The following MAF variants were observed in gnomAD, a reference collection of about 807,000 sequenced individuals.
MAF encodes the protein transcription factor Maf.
MAF carries 10 observed loss-of-function variants against 22.0 expected under a neutral mutation model. The ratio of observed to expected loss-of-function variants is 0.45; its 90% CI spans 0.28 to 0.77. MAF has a LOEUF of 0.77. MAF is among the 30% of genes least tolerant of loss of function. The pLI, the probability that MAF is intolerant of heterozygous loss-of-function variation, is 0.12. For synonymous variants in MAF, 337 were observed against 255.8 expected (o/e 1.32, Z -3.03); for missense variants, 544 against 548.4 (o/e 0.99, Z 0.08).
At chr16:79,566,171 G>A in the MAF span, among the ~76,000 whole-genome samples, 1 of 152,122 alleles carries the variant, frequency 6.6e-6, no homozygotes, top group Non-Finnish European at 1.5e-5. Flanking sequence ...TTAAAGAAAT[G>A]TACATATCCA....
chr16:79,416,079 G>T, the MAF span, among the ~76,000 whole-genome samples: 1 of 152,120 alleles, frequency 6.6e-6, no homozygotes, highest in Non-Finnish European at 1.5e-5. Context: ...CTGACAGAGG[G>T]GATGTGCCCA....
At chr16:79,329,929 C>T in the MAF span, among the ~76,000 whole-genome samples, 6 of 151,884 alleles carry the variant, frequency 4.0e-5, no homozygotes, top group Middle Eastern at 3.4e-3. Flanking sequence ...AGAACAGACA[C>T]ACCATACAAT....
the MAF span, among the ~76,000 whole-genome samples, chr16:79,274,634 C>T: frequency 0.93 from 140,981 of 152,196 alleles, 65,302 homozygotes; most frequent in East Asian, 1. Context: ...CTTTTGTGGA[C>T]TGATTCTGGA....
chr16:79,327,732 T>A, the MAF span, among the ~76,000 whole-genome samples: 4 of 152,334 alleles, frequency 2.6e-5, no homozygotes, highest in Middle Eastern at 3.4e-3. Context: ...GTGCCACAAG[T>A]GCTGACCGCT....
the MAF span, among the ~76,000 whole-genome samples, chr16:79,231,745 T>G: frequency 6.6e-6 from 1 of 151,942 alleles, no homozygotes; most frequent in Non-Finnish European, 1.5e-5. Flanking sequence ...TGGACCGGAG[T>G]TAGGTGGCAG....
the MAF span, among the ~76,000 whole-genome samples, chr16:79,269,197 C>T: frequency 6.6e-5 from 10 of 152,094 alleles, no homozygotes; most frequent in South Asian, 2.1e-4. Flanking sequence ...CAGAGTCCAA[C>T]GTGGAATGGA....
At chr16:79,336,972 G>C in the MAF span, among the ~76,000 whole-genome samples, 1 of 152,300 alleles carries the variant, frequency 6.6e-6, no homozygotes, top group Non-Finnish European at 1.5e-5. Flanking sequence ...AAACATTTCA[G>C]ACACTTGGTG....
chr16:79,510,329 C>A, the MAF span, among the ~76,000 whole-genome samples: 1 of 152,178 alleles, frequency 6.6e-6, no homozygotes, highest in African/African-American at 2.4e-5. Flanking sequence ...GAGACTGTTT[C>A]TCGAGAATCC....
the MAF span, among the ~76,000 whole-genome samples, chr16:79,322,031 C>T: frequency 2.0e-5 from 3 of 152,186 alleles, no homozygotes; most frequent in East Asian, 1.9e-4. Context: ...CAGAGGTTTG[C>T]GACCAACCTG....
the MAF span, among the ~76,000 whole-genome samples, chr16:79,269,068 A>G: frequency 2.0e-5 from 3 of 152,164 alleles, no homozygotes; most frequent in Non-Finnish European, 1.5e-5. Flanking sequence ...TCTTTATGGA[A>G]AGCAGCTTTA....
At chr16:79,350,944 G>C in the MAF span, among the ~76,000 whole-genome samples, 8,913 of 151,614 alleles carry the variant, frequency 0.059, 828 homozygotes, top group African/African-American at 0.2. Context: ...ATGTGCTCAA[G>C]AGGAAACCCA....
chr16:79,327,603 A>G, the MAF span, among the ~76,000 whole-genome samples: 1 of 152,312 alleles, frequency 6.6e-6, no homozygotes, highest in South Asian at 2.1e-4. Flanking sequence ...AAAAGTAACT[A>G]AGGTGGAAAT....
At chr16:79,245,443 C>G in the MAF span, among the ~76,000 whole-genome samples, 1 of 151,954 alleles carries the variant, frequency 6.6e-6, no homozygotes, top group South Asian at 2.1e-4. Flanking sequence ...ATGCAGCCAA[C>G]AATCATGAAA....
At chr16:79,484,608 G>A in the MAF span, among the ~76,000 whole-genome samples, 2 of 152,136 alleles carry the variant, frequency 1.3e-5, no homozygotes, top group Non-Finnish European at 1.5e-5. Context: ...AAAGGCCCAG[G>A]GCATATTCCA....
chr16:79,320,178 C>T, the MAF span, among the ~76,000 whole-genome samples: 4 of 152,088 alleles, frequency 2.6e-5, no homozygotes, highest in African/African-American at 9.7e-5. Context: ...TCTTTGGGTA[C>T]AATGGAAACC....
chr16:79,505,912 C>T, the MAF span, among the ~76,000 whole-genome samples: 2 of 150,246 alleles, frequency 1.3e-5, no homozygotes, highest in Non-Finnish European at 3.0e-5. Context: ...GCACACCCAA[C>T]GCAAAGAACA....
chr16:79,528,206 G>C, the MAF span, among the ~76,000 whole-genome samples: 9 of 152,172 alleles, frequency 5.9e-5, no homozygotes, highest in African/African-American at 2.2e-4. Flanking sequence ...TATTCCAAGA[G>C]CTTCTTCTGC....
the MAF span, among the ~76,000 whole-genome samples, chr16:79,459,636 G>A: frequency 2.0e-5 from 3 of 151,620 alleles, no homozygotes; most frequent in Non-Finnish European, 4.4e-5. Flanking sequence ...GCAGTGGTGT[G>A]ATCATGGCTC....
the MAF span, among the ~76,000 whole-genome samples, chr16:79,240,092 CA>C: frequency 2.0e-5 from 3 of 151,712 alleles, no homozygotes; most frequent in Admixed American, 6.6e-5. Flanking sequence ...CTGGGCAATG[CA>C]AAGGTGATAG....
Sources: allele counts gnomAD v4.1 joint callset (sites outside exome capture counted in the v4.1 genomes callset), GRCh38; gene constraint gnomAD v4.1.1; transcripts MANE v1.5; gene names NCBI Gene and HGNC (gene_info 2026-07-23, HGNC 2026-07-21).